The following STAG1 variants were observed in gnomAD, a reference collection of about 807,000 sequenced individuals.
STAG1 encodes the protein STAG1 cohesin complex component.
STAG1 carries 26 observed loss-of-function variants against 170.9 expected under a neutral mutation model. The ratio of observed to expected loss-of-function variants is 0.15; its 90% CI spans 0.11 to 0.21. STAG1 has a LOEUF of 0.21. STAG1 is among the 10% of genes least tolerant of loss of function. STAG1 has a pLI of 1.00. For missense variants in STAG1, 964 were observed against 1,509.5 expected, an observed-to-expected ratio of 0.64 and a Z score of 5.99; for synonymous variants, 514 against 497.7, an observed-to-expected ratio of 1.03 and a Z score of -0.44.
At chr3:136,354,503 T>C (rs1017332817) in intron 28 of STAG1, among the ~76,000 whole-genome samples, 5 of 151,818 alleles carry the variant, frequency 3.3e-5, no homozygotes, top group Admixed American at 1.3e-4. Context: ...GGTTTCACCA[T>C]GTTGGCCAGG....
At chr3:136,726,205 G>A (rs1933676968) in intron 1 of STAG1, among the ~76,000 whole-genome samples, 1 of 152,146 alleles carries the variant, frequency 6.6e-6, no homozygotes, top group Non-Finnish European at 1.5e-5. Flanking sequence ...AGAAGGTTTA[G>A]CAGCATCCCT....
chr3:136,470,148 C>A (rs1411002777), intron 12 of STAG1, among the ~76,000 whole-genome samples: 2 of 151,956 alleles, frequency 1.3e-5, no homozygotes, highest in African/African-American at 2.4e-5. Context: ...ATCCAATTAA[C>A]CTAAAGAGCT....
intron 1 of STAG1, among the ~76,000 whole-genome samples, chr3:136,651,920 G>A (rs1372269599): frequency 6.6e-6 from 1 of 152,152 alleles, no homozygotes; most frequent in African/African-American, 2.4e-5. Context: ...ATTTTAGCAT[G>A]TCAGGGGAAG....
At chr3:136,745,752 T>C (rs923893770) in intron 1 of STAG1, among the ~76,000 whole-genome samples, 1 of 152,188 alleles carries the variant, frequency 6.6e-6, no homozygotes, top group African/African-American at 2.4e-5. Context: ...TCCAATCTTT[T>C]GGCTTCCCTG....
chr3:136,648,830 A>C (rs1036065397), intron 1 of STAG1, among the ~76,000 whole-genome samples: 1 of 152,144 alleles, frequency 6.6e-6, no homozygotes. Context: ...GAATATTTCA[A>C]TAGTCTCCTA....
chr3:136,343,306 A>AGG (rs929137059), intron 30 of STAG1, among the ~76,000 whole-genome samples: 11 of 152,240 alleles, frequency 7.2e-5, no homozygotes, highest in African/African-American at 2.7e-4. Context: ...ACTAGCATGG[A>AGG]GGAAAGGTAA....
intron 5 of STAG1, among the ~76,000 whole-genome samples, chr3:136,551,266 A>AGAGC (rs1559874454): frequency 7.1e-6 from 1 of 140,274 alleles, no homozygotes; most frequent in African/African-American, 2.7e-5. Context: ...AGAGAGGGAG[A>AGAGC]GCGAGAGAGC....
At chr3:136,678,482 TTA>T (rs1553765032) in intron 1 of STAG1, among the ~76,000 whole-genome samples, 1 of 151,152 alleles carries the variant, frequency 6.6e-6, no homozygotes, top group Non-Finnish European at 1.5e-5. Flanking sequence ...GTAGATTCCC[TTA>T]TGTTATCCAA....
Position 136,526,149 on chromosome 3 carries a change from C to G in STAG1, c.472-4732G>C, listed in dbSNP as rs531418538. 7.2e-3 allele frequency among the ~76,000 whole-genome samples: 1,102 copies of G among 152,188 alleles called. 15 individuals are homozygous for G. Among genetic ancestry groups the G allele is most frequent in the African/African-American group, 0.024 (991 of 41,516 alleles). ...GAGCTGAGTTCAATTCCTGGATATC[C>G]TTTTTAACTTTCTGTCTCATCGATC... On this transcript the variant is annotated intron_variant, in intron 6 of 33. Transcript: ENST00000383202.
chr3:136,751,808 C>G (rs972555516), intron 1 of STAG1, among the ~76,000 whole-genome samples: 1 of 148,160 alleles, frequency 6.7e-6, no homozygotes, highest in Non-Finnish European at 1.5e-5. Context: ...AGAGCCCGGG[C>G]GGGGGGGGGC....
At chr3:136,365,371 A>C (rs566054847) in intron 25 of STAG1, among the ~76,000 whole-genome samples, 1 of 152,334 alleles carries the variant, frequency 6.6e-6, no homozygotes, top group South Asian at 2.1e-4. Flanking sequence ...ATCGTGTCTT[A>C]AGAAAATTTG....
At chr3:136,602,398 A>G (rs1462957543) in intron 4 of STAG1, among the ~76,000 whole-genome samples, 1 of 145,930 alleles carries the variant, frequency 6.9e-6, no homozygotes, top group African/African-American at 2.5e-5. Context: ...AAAAAAAAAG[A>G]GAGAGAGAGA....
chr3:136,651,349 G>C (rs1439998550), intron 1 of STAG1, among the ~76,000 whole-genome samples: 7 of 132,780 alleles, frequency 5.3e-5, no homozygotes, highest in African/African-American at 2.0e-4. Context: ...CTCAGTGAAA[G>C]AGCAAGACCC....
chr3:136,573,349 G>A (rs191262706), intron 4 of STAG1, among the ~76,000 whole-genome samples: 85 of 152,162 alleles, frequency 5.6e-4, no homozygotes, highest in African/African-American at 1.8e-3. Context: ...ACTAAGTTAA[G>A]AATTTGTTTT....
chr3:136,611,465 T>G lies in STAG1; in HGVS notation c.133-6992A>C, dbSNP rs144286522. Among the ~76,000 whole-genome samples the G allele has an allele frequency of 2.1e-4, 32 of 151,766 alleles. No homozygotes were observed. The East Asian group carries it at 6.0e-3, about 29-fold the overall frequency. ...TGCCTGGCCATAATATTTTTAATAA[T>G]TTTGTGCATGAAACAAAGTTTTGAC... On this transcript the variant is annotated intron_variant, in intron 3 of 33. Transcript: ENST00000383202.
chr3:136,530,996 T>G (rs1935340194), intron 6 of STAG1, among the ~76,000 whole-genome samples: 1 of 151,934 alleles, frequency 6.6e-6, no homozygotes, highest in Admixed American at 6.6e-5. Flanking sequence ...TCCCAGATAC[T>G]CGGTTGGCAG....
At chr3:136,368,949 C>T (rs1937187576) in intron 24 of STAG1, among the ~76,000 whole-genome samples, 159 bp downstream of exon 24, 1 of 152,144 alleles carries the variant, frequency 6.6e-6, no homozygotes, top group East Asian at 1.9e-4. Flanking sequence ...CCTCAGTCTC[C>T]TAAAGTGCTA....
At chr3:136,722,927 T>C (rs1576812161) in intron 1 of STAG1, among the ~76,000 whole-genome samples, 1 of 152,198 alleles carries the variant, frequency 6.6e-6, no homozygotes, top group Non-Finnish European at 1.5e-5. Context: ...CTCCTAACTG[T>C]GAGTGATCCG....
chr3:136,470,623 A>G (rs1253569195), intron 12 of STAG1, among the ~76,000 whole-genome samples: 1 of 152,232 alleles, frequency 6.6e-6, no homozygotes, highest in African/African-American at 2.4e-5. Context: ...TGACCCAGCC[A>G]TCCCATTACT....
Sources: allele counts gnomAD v4.1 joint callset (sites outside exome capture counted in the v4.1 genomes callset), GRCh38; gene constraint gnomAD v4.1.1; transcripts MANE v1.5; gene names NCBI Gene and HGNC (gene_info 2026-07-23, HGNC 2026-07-21).